The following NAF1 variants were observed in gnomAD, a reference collection of about 807,000 sequenced individuals.
NAF1 encodes nuclear assembly factor 1 ribonucleoprotein, also known as H/ACA ribonucleoprotein complex non-core subunit NAF1.
In NAF1, 11 loss-of-function variants were observed where a neutral mutation model predicts 40.6. That is an observed-to-expected ratio of 0.27 (90% CI 0.17 to 0.45). NAF1 has a LOEUF of 0.45. Among genes scored for constraint, NAF1 ranks in the 20% least tolerant of loss-of-function variants. The probability of loss-of-function intolerance (pLI) is 1.00; values close to 1 mark genes in which losing one functional copy is unlikely to be tolerated. For missense variants in NAF1, 607 were observed against 611.1 expected (o/e 0.99, Z 0.07); for synonymous variants, 260 against 228.5 (o/e 1.14, Z -1.24).
chr4:163,114,152 G>A (rs1054509066), intron 2 of NAF1, among the ~76,000 whole-genome samples: 1 of 152,164 alleles, frequency 6.6e-6, no homozygotes, highest in Non-Finnish European at 1.5e-5. Context: ...AGGAGCATGA[G>A]GTAAAATTCA....
chr4:163,124,813 T>C (rs1378575577), downstream of NAF1, among the ~76,000 whole-genome samples: 1 of 152,240 alleles, frequency 6.6e-6, no homozygotes, highest in Non-Finnish European at 1.5e-5. Flanking sequence ...CACTGTTTTA[T>C]TGTACTTCAT....
intron 2 of NAF1, 52 bp downstream of exon 2, chr4:163,164,165 C>T (rs1046050956): frequency 1.7e-5 from 25 of 1,429,588 alleles, no homozygotes; most frequent in Non-Finnish European, 2.2e-5. Context: ...ATACTGGTAC[C>T]AGAATACGTT....
At chr4:163,105,470 G>A (rs535237141), downstream of NAF1, among the ~76,000 whole-genome samples, 2 of 152,302 alleles carry the variant, frequency 1.3e-5, no homozygotes, top group Middle Eastern at 6.8e-3. Flanking sequence ...CACTTTTGAA[G>A]CTGTTATCTG....
At chr4:163,125,549 G>A (rs900276177), downstream of NAF1, among the ~76,000 whole-genome samples, 1 of 152,200 alleles carries the variant, frequency 6.6e-6, no homozygotes, top group South Asian at 2.1e-4. Context: ...CGAAGGCTGA[G>A]AGAAACCGCA....
chr4:163,153,999 C>T (rs529860404), intron 2 of NAF1, among the ~76,000 whole-genome samples: 4 of 151,708 alleles, frequency 2.6e-5, no homozygotes, highest in African/African-American at 4.8e-5. Context: ...CCAGACATGC[C>T]GCCTTAAGAG....
At chr4:163,131,008 C>T (rs1446452887) in intron 7 of NAF1, among the ~76,000 whole-genome samples, 1 of 152,118 alleles carries the variant, frequency 6.6e-6, no homozygotes, top group Non-Finnish European at 1.5e-5. Context: ...CCTCAGCCTC[C>T]CAAGTAGGAA....
chr4:163,148,516 T>G, intron 2 of NAF1, 82 bp from the exon 3 acceptor site: 1 of 910,950 alleles, frequency 1.1e-6, no homozygotes, highest in Admixed American at 2.6e-5. Flanking sequence ...TTTTAAGTGC[T>G]ACACATCTCT....
At position 163,150,209 on chromosome 4, in the gene NAF1, T is replaced by C. The variant is rs1378626577; in HGVS notation, c.541-1775A>G. On this transcript the variant is annotated intron_variant, in intron 2 of 7. Transcript: ENST00000274054. The stretch of plus-strand genomic sequence containing the variant: ...TATAATAGTTATGCTTTGATATAAA[T>C]CTAAACTGATACTGTTTTGCTTTTG... Among the ~76,000 whole-genome samples, 4 of 152,232 alleles carry C rather than the reference T, an allele frequency of 2.6e-5. 1 individual carries two copies. In the East Asian group the frequency reaches 7.7e-4, roughly 29 times the overall value.
At chr4:163,143,699 G>A (rs116532551) in intron 4 of NAF1, among the ~76,000 whole-genome samples, 30 of 152,324 alleles carry the variant, frequency 2.0e-4, no homozygotes, top group African/African-American at 7.0e-4. Flanking sequence ...GGCTGTGCCT[G>A]TGAAGGGCCA....
downstream of NAF1, among the ~76,000 whole-genome samples, chr4:163,106,379 T>A (rs1011649679): frequency 1.1e-4 from 17 of 152,164 alleles, no homozygotes; most frequent in African/African-American, 3.6e-4. Context: ...TAAATGAAAT[T>A]TAAATTTAAT....
intron 2 of NAF1, among the ~76,000 whole-genome samples, chr4:163,151,106 TAAAA>T: frequency 6.7e-6 from 1 of 148,454 alleles, no homozygotes; most frequent in East Asian, 2.0e-4. Context: ...TATTAATTTA[TAAAA>T]AAAAAACCTT....
chr4:163,150,541 T>A (rs1417307986), intron 2 of NAF1, among the ~76,000 whole-genome samples: 1 of 151,396 alleles, frequency 6.6e-6, no homozygotes, highest in Non-Finnish European at 1.5e-5. Context: ...AACAAAAACA[T>A]ATATCTAATT....
At chr4:163,130,588 T>C (rs1029658368) in intron 7 of NAF1, among the ~76,000 whole-genome samples, 10 of 151,956 alleles carry the variant, frequency 6.6e-5, no homozygotes, top group East Asian at 1.9e-4. Context: ...TGGGACAAAA[T>C]AGAAGGTACA....
At chr4:163,151,344 ATTG>A (rs1013615724) in intron 2 of NAF1, among the ~76,000 whole-genome samples, 12 of 147,654 alleles carry the variant, frequency 8.1e-5, no homozygotes, top group African/African-American at 3.0e-4. Context: ...AAAATTCACT[ATTG>A]TTTTCTTTAT....
At chr4:163,138,960 T>A (rs1731156893) in intron 5 of NAF1, among the ~76,000 whole-genome samples, 1 of 152,118 alleles carries the variant, frequency 6.6e-6, no homozygotes. Flanking sequence ...ATTTAATTCA[T>A]CTTTCTTGTC....
intron 5 of NAF1, 45 bp from the exon 6 acceptor site, chr4:163,137,295 T>A (rs1365157702): frequency 6.3e-7 from 1 of 1,578,812 alleles, no homozygotes. Flanking sequence ...TCATCACAAT[T>A]CTATTAAGTG....
intron 6 of NAF1, chr4:163,135,196 C>T (rs1053152643): frequency 1.1e-4 from 17 of 152,212 alleles, no homozygotes; most frequent in African/African-American, 4.1e-4. Context: ...TCTATTTTCA[C>T]ATCACGCAAT....
At chr4:163,149,955 G>C (rs1342457116) in intron 2 of NAF1, among the ~76,000 whole-genome samples, 2 of 152,112 alleles carry the variant, frequency 1.3e-5, no homozygotes, top group Non-Finnish European at 2.9e-5. Flanking sequence ...GGTTCTGGGA[G>C]TGGCTCCTCT....
chr4:163,154,562 T>C (rs1347693554), intron 2 of NAF1, among the ~76,000 whole-genome samples: 1 of 152,136 alleles, frequency 6.6e-6, no homozygotes, highest in Non-Finnish European at 1.5e-5. Flanking sequence ...TTTGTTTCTT[T>C]TAAATGAGCA....
Sources: allele counts gnomAD v4.1 joint callset (sites outside exome capture counted in the v4.1 genomes callset), GRCh38; gene constraint gnomAD v4.1.1; transcripts MANE v1.5; gene names NCBI Gene and HGNC (gene_info 2026-07-23, HGNC 2026-07-21).